Variants in BTNL8 observed in about 807,000 individuals in gnomAD.
BTNL8 encodes butyrophilin-like protein 8.
A neutral mutation model predicts 36.1 loss-of-function variants in BTNL8; 22 were observed. That is an observed-to-expected ratio of 0.61 (90% confidence interval 0.44 to 0.87). BTNL8 has a LOEUF of 0.87. BTNL8 is among the 40% of genes least tolerant of loss of function. The probability of loss-of-function intolerance (pLI) is 0.00; values close to 1 mark genes in which losing one functional copy is unlikely to be tolerated. For missense variants in BTNL8, 526 were observed against 616.9 expected, an observed-to-expected ratio of 0.85 and a Z score of 1.56; for synonymous variants, 203 against 235.6, an observed-to-expected ratio of 0.86 and a Z score of 1.27.
At chr5:180,911,853 C>T (rs192754165) in intron 3 of BTNL8, among the ~76,000 whole-genome samples, 1 of 152,260 alleles carries the variant, frequency 6.6e-6, no homozygotes, top group Admixed American at 6.5e-5. Context: ...TGTGACGTAA[C>T]CCTGTGATGG....
intron 3 of BTNL8, among the ~76,000 whole-genome samples, chr5:180,944,928 C>T (rs1582064241): frequency 6.6e-6 from 1 of 152,144 alleles, no homozygotes; most frequent in South Asian, 2.1e-4. Context: ...TACAGTCTCT[C>T]TCAAGATTCT....
rs1758584734 is a variant in BTNL8, at chr5:180,935,121, G to C, written c.674-12391G>C. Among the ~76,000 whole-genome samples the C allele has an allele frequency of 6.6e-6, 1 of 152,170 alleles. No individual in the cohort carries two copies. Among genetic ancestry groups the C allele is most frequent in the Non-Finnish European group, 1.5e-5 (1 of 68,032 alleles). Reference sequence around the variant, plus strand: ...GGTTTTTATGGGCCCAGAAGGAAGGGAGTGCATGCTGATTGGTTCATGGAT... The same window carrying C: ...GGTTTTTATGGGCCCAGAAGGAAGGCAGTGCATGCTGATTGGTTCATGGAT... On this transcript the variant is annotated intron_variant, in intron 3 of 7. Transcript: ENST00000340184. The surrounding 1 kb of genome is among the most constrained non-coding windows in gnomAD (Gnocchi z 4.8).
intron 3 of BTNL8, among the ~76,000 whole-genome samples, chr5:180,937,492 C>T (rs1183468595): frequency 1.3e-5 from 2 of 152,138 alleles, no homozygotes; most frequent in Non-Finnish European, 2.9e-5. Flanking sequence ...AGGAAAACAT[C>T]TTTGCCTATA....
intron 3 of BTNL8, among the ~76,000 whole-genome samples, chr5:180,919,787 TCA>T (rs1757787024): frequency 1.3e-5 from 2 of 152,166 alleles, no homozygotes; most frequent in Admixed American, 1.3e-4. Context: ...GGAAACAACT[TCA>T]TTTAAAATAG....
At position 180,899,223 on chromosome 5, in the gene BTNL8, A is replaced by C; in HGVS notation, c.-88A>C. ...CCGTGGCTTCCGCACCTTGAGCATTAGGCCAGTTCTCCTCTTCTCTCTAAT... is the reference window on the plus strand; with the variant it reads ...CCGTGGCTTCCGCACCTTGAGCATTCGGCCAGTTCTCCTCTTCTCTCTAAT... On this transcript the variant is annotated 5_prime_UTR_variant, in exon 1 of 8. Transcript: ENST00000340184. 16 of 1,490,090 alleles carry C rather than the reference A, an allele frequency of 1.1e-5. No homozygotes were observed. The highest frequency in any genetic ancestry group is 2.3e-5 in the South Asian group (2 of 88,104). The allele number at this position is 1,490,090 out of a possible 1,614,324, so 92.3% of individuals were successfully genotyped here.
At chr5:180,948,229 T>TAAG (rs1759369948) in intron 4 of BTNL8, 126 bp from the exon 5 acceptor site, 1 of 1,318,998 alleles carries the variant, frequency 7.6e-7, no homozygotes, top group South Asian at 1.2e-5. Context: ...CGAGCACATA[T>TAAG]AAGTGTCCTA....
chr5:180,933,482 A>C (rs1758503565), intron 3 of BTNL8, among the ~76,000 whole-genome samples: 3 of 152,216 alleles, frequency 2.0e-5, no homozygotes, highest in Non-Finnish European at 4.4e-5. Context: ...CCTAGAAATC[A>C]ATAGAAATCT....
intron 3 of BTNL8, among the ~76,000 whole-genome samples, chr5:180,918,028 CAAA>C (rs368211844): frequency 1.7e-5 from 2 of 114,964 alleles, no homozygotes; most frequent in Non-Finnish European, 1.9e-5. Context: ...GATTCTGTCT[CAAA>C]AAAAAAAAAA....
chr5:180,905,200 C>G (rs1397302281), intron 1 of BTNL8, among the ~76,000 whole-genome samples: 4 of 151,284 alleles, frequency 2.6e-5, no homozygotes, highest in Non-Finnish European at 4.4e-5. Flanking sequence ...GCCACAATTT[C>G]AGCTCCTGTT....
intron 3 of BTNL8, among the ~76,000 whole-genome samples, chr5:180,943,611 TG>T (rs1258785305): frequency 6.6e-6 from 1 of 152,180 alleles, no homozygotes; most frequent in African/African-American, 2.4e-5. Flanking sequence ...ATTGTTGATG[TG>T]GAGAAGAGGA....
rs371559877 is a variant in BTNL8 at position 180,949,956 on chromosome 5, T to C, written c.915T>C (p.Asp305=). 3.4e-6 allele frequency: 5 copies of C among 1,461,358 alleles called. No homozygotes were observed. In the African/African-American group the frequency reaches 5.5e-5, roughly 16 times the overall value. 90.5% of individuals were successfully genotyped at this position (1,461,358 alleles called of 1,614,324 possible). ...ETAHPKLCVS[D]LKTVTHRKAP... ...CTCACCCGAAGCTCTGCGTTTCTGA[T>C]CTGAAAACTGTAACCCATAGAAAAG... is the stretch of plus-strand genomic sequence containing the variant. The change falls in exon 8 of 8, where the codon GAT becomes GAC. Residue 305 remains aspartate (D), a synonymous_variant. Transcript: ENST00000340184.
In BTNL8 at chr5:180,900,805, C is replaced by T. The variant is rs138658110; in HGVS notation, c.49+1446C>T. 2.6e-4 allele frequency among the ~76,000 whole-genome samples: 40 copies of T among 152,366 alleles called. No individual in the cohort carries two copies. In the East Asian group the frequency reaches 7.1e-3, roughly 27 times the overall value. ...CGGTGGCAACTGGGACCCAGTCCCA[C>T]TGGGACCTTTGGAGGAACTTTATAG... is the stretch of plus-strand genomic sequence containing the variant. On this transcript the variant is annotated intron_variant, in intron 1 of 7. Transcript: ENST00000340184.
intron 3 of BTNL8, among the ~76,000 whole-genome samples, chr5:180,922,556 A>G (rs1757913726): frequency 7.6e-6 from 1 of 132,162 alleles, no homozygotes; most frequent in Non-Finnish European, 1.7e-5. Flanking sequence ...GGTCTGAGAG[A>G]GCGGTTGTTA....
intron 3 of BTNL8, among the ~76,000 whole-genome samples, chr5:180,931,119 G>A (rs1758355051): frequency 6.6e-6 from 1 of 152,162 alleles, no homozygotes; most frequent in Admixed American, 6.5e-5. Context: ...CAGATATATA[G>A]AGCAATGGAA....
At chr5:180,909,267 G>A (rs558961478) in intron 2 of BTNL8, among the ~76,000 whole-genome samples, 1 of 152,276 alleles carries the variant, frequency 6.6e-6, no homozygotes, top group South Asian at 2.1e-4. Flanking sequence ...TACATACACA[G>A]CTTCACACCG....
intron 3 of BTNL8, among the ~76,000 whole-genome samples, chr5:180,923,427 G>A (rs961762518): frequency 6.6e-6 from 1 of 152,080 alleles, no homozygotes; most frequent in Non-Finnish European, 1.5e-5. Flanking sequence ...ACATATATAA[G>A]TTTCAACATC....
chr5:180,948,302 T>C (rs1255479146), intron 4 of BTNL8, 53 bp from the exon 5 acceptor site: 1 of 1,464,404 alleles, frequency 6.8e-7, no homozygotes, highest in South Asian at 1.1e-5. Context: ...AGCGTCGTGT[T>C]TGTGCCTTGT....
chr5:180,923,530 G>A (rs765638931), intron 3 of BTNL8, among the ~76,000 whole-genome samples: 5 of 152,040 alleles, frequency 3.3e-5, no homozygotes, highest in Non-Finnish European at 7.4e-5. Context: ...CTGATAGAAA[G>A]CTATTTAAAA....
intron 3 of BTNL8, among the ~76,000 whole-genome samples, chr5:180,938,688 C>G (rs1330521030): frequency 6.6e-6 from 1 of 151,918 alleles, no homozygotes; most frequent in Non-Finnish European, 1.5e-5. Context: ...CAGGCACGCA[C>G]CACCACACCC....
Sources: gnomAD v4.1 joint callset for allele counts (sites outside exome capture counted in the v4.1 genomes callset) on GRCh38, gnomAD v4.1.1 for gene constraint, Gnocchi (gnomAD v3.1) non-coding constraint, MANE v1.5 for transcripts, NCBI Gene and HGNC (gene_info 2026-07-23, HGNC 2026-07-21) for gene names.